The following PAQR3 variants were observed in gnomAD, a reference collection of about 807,000 sequenced individuals.
PAQR3 encodes progestin and adipoQ receptor family member 3.
PAQR3 carries 39 observed loss-of-function variants against 41.7 expected under a neutral mutation model. That is an observed-to-expected ratio of 0.93 (90% confidence interval 0.72 to 1.22). PAQR3 has a LOEUF of 1.22. Among genes scored for constraint, PAQR3 ranks in the 50% most tolerant of loss-of-function variants. The pLI is 0.00. For missense variants in PAQR3, 366 were observed against 385.6 expected, an observed-to-expected ratio of 0.95 and a Z score of 0.42; for synonymous variants, 140 against 140.6, an observed-to-expected ratio of 1.00 and a Z score of 0.03.
intron 11 of PAQR3, among the ~76,000 whole-genome samples, chr4:78,898,035 C>A (rs1262188183): frequency 6.6e-6 from 1 of 152,078 alleles, no homozygotes; most frequent in Non-Finnish European, 1.5e-5. Context: ...AAAGATGTTA[C>A]TTATGGTTAA....
At chr4:78,933,459 T>C (rs1298259310) in intron 2 of PAQR3, among the ~76,000 whole-genome samples, 7 of 152,202 alleles carry the variant, frequency 4.6e-5, no homozygotes, top group Non-Finnish European at 1.0e-4. Flanking sequence ...TTATGTCTTT[T>C]AATATTAAAT....
chr4:78,934,538 G>A (rs2110170562), intron 2 of PAQR3, among the ~76,000 whole-genome samples: 1 of 152,252 alleles, frequency 6.6e-6, no homozygotes, highest in South Asian at 2.1e-4. Flanking sequence ...TCTAATAAAT[G>A]TTAACTTTTA....
chr4:78,894,593 G>T (rs1443487203), intron 11 of PAQR3, among the ~76,000 whole-genome samples: 1 of 152,172 alleles, frequency 6.6e-6, no homozygotes, highest in Non-Finnish European at 1.5e-5. Flanking sequence ...CGCAGTGGTT[G>T]GTTTGATCTT....
In PAQR3 at chr4:78,919,011, C is replaced by G. The variant is rs1735383625; in HGVS notation, c.*1528G>C. 1.0e-6 allele frequency: 1 copy of G among 984,924 alleles called. No individual in the cohort carries two copies. Among genetic ancestry groups the G allele is most frequent in the Non-Finnish European group, 1.2e-6 (1 of 829,738 alleles). 61.0% of individuals were successfully genotyped at this position (984,924 alleles called of 1,614,324 possible). On this transcript the variant is annotated 3_prime_UTR_variant, in exon 6 of 6. Coordinates refer to ENST00000512733, the MANE Select transcript of PAQR3 (RefSeq NM_001040202.2). ...ATGGGTAAGACACGGTATTCCTTTA[C>G]TGAGCCTCCTGGGGGGAAATTCTCT...
chr4:78,923,104 C>T, intron 5 of PAQR3: 1 of 387,598 alleles, frequency 2.6e-6, no homozygotes, highest in Non-Finnish European at 5.1e-6. Flanking sequence ...AGCTTTGTCA[C>T]CATTATCTAT....
intron 3 of PAQR3, among the ~76,000 whole-genome samples, chr4:78,929,300 G>A (rs1736573511): frequency 6.6e-6 from 1 of 152,046 alleles, no homozygotes. Flanking sequence ...GTAACTAAAA[G>A]GGCAAAAGAA....
Position 78,916,651 on chromosome 4 carries a change from G to A in PAQR3, c.*3888C>T, listed in dbSNP as rs1190099640. 6.6e-6 allele frequency: 1 copy of A among 151,792 alleles called. No homozygotes were observed. The highest frequency in any genetic ancestry group is 1.5e-5 in the Non-Finnish European group (1 of 67,812). 9.4% of individuals were successfully genotyped at this position (151,792 alleles called of 1,614,324 possible). The stretch of plus-strand genomic sequence containing the variant: ...ACTGATACTCGAGTGATGACAGTAA[G>A]GCAAAAACAATATTGTGTAGTGCCT... On this transcript the variant is annotated 3_prime_UTR_variant, in exon 6 of 6. Transcript: ENST00000512733.
chr4:78,905,142 CAATT>C (rs1216714156), intron 11 of PAQR3, among the ~76,000 whole-genome samples: 12 of 151,680 alleles, frequency 7.9e-5, no homozygotes, highest in Admixed American at 5.9e-4. Flanking sequence ...TAATAGCTCT[CAATT>C]AATTGATTAA....
intron 11 of PAQR3, among the ~76,000 whole-genome samples, chr4:78,888,992 C>G (rs1177909229): frequency 6.6e-6 from 1 of 152,128 alleles, no homozygotes; most frequent in East Asian, 1.9e-4. Context: ...GAGGCCAAGG[C>G]AGGCGGATCA....
At chr4:78,889,175 C>G (rs533067901) in intron 11 of PAQR3, among the ~76,000 whole-genome samples, 4 of 139,164 alleles carry the variant, frequency 2.9e-5, no homozygotes, top group African/African-American at 8.2e-5. Flanking sequence ...GAGCCGAGAT[C>G]GTGCCAGTGC....
chr4:78,893,884 A>G (rs951118643), intron 11 of PAQR3, among the ~76,000 whole-genome samples: 3 of 152,194 alleles, frequency 2.0e-5, no homozygotes, highest in Non-Finnish European at 4.4e-5. Flanking sequence ...GAAAGACACA[A>G]TTACTGCTTG....
chr4:78,911,419 C>G (rs1381227532), downstream of PAQR3: 2 of 1,613,998 alleles, frequency 1.2e-6, no homozygotes, highest in South Asian at 1.1e-5. Flanking sequence ...TGGGCTTGTG[C>G]CCTTTGATGA....
intron 1 of PAQR3, 137 bp downstream of exon 1, chr4:78,938,903 G>T: frequency 1.3e-6 from 1 of 777,540 alleles, no homozygotes; most frequent in Non-Finnish European, 2.0e-6. Context: ...AGGAGAGGCG[G>T]CAAAAAGGGA....
intron 1 of PAQR3, among the ~76,000 whole-genome samples, chr4:78,938,481 T>C (rs557174830): frequency 1.3e-5 from 2 of 152,354 alleles, no homozygotes; most frequent in Admixed American, 6.5e-5. Context: ...ATGGTTATTA[T>C]GTAATTGTGT....
chr4:78,897,737 T>C (rs1340214440), intron 11 of PAQR3, among the ~76,000 whole-genome samples: 2 of 152,222 alleles, frequency 1.3e-5, no homozygotes, highest in Admixed American at 6.5e-5. Flanking sequence ...TTCTTCTACC[T>C]TCTAATTTCC....
intron 4 of PAQR3, 81 bp downstream of exon 4, chr4:78,926,440 C>T: frequency 8.1e-7 from 1 of 1,239,604 alleles, no homozygotes; most frequent in South Asian, 1.4e-5. Flanking sequence ...CCCACTTGGC[C>T]TGATTATACT....
chr4:78,907,335 G>T (rs1412721711), downstream of PAQR3, among the ~76,000 whole-genome samples: 1 of 152,140 alleles, frequency 6.6e-6, no homozygotes, highest in Non-Finnish European at 1.5e-5. Context: ...GAAAAGTAAT[G>T]GTAGCCAGTT....
downstream of PAQR3, chr4:78,911,325 CA>C: frequency 6.2e-7 from 1 of 1,613,872 alleles, no homozygotes; most frequent in Non-Finnish European, 8.5e-7. Context: ...CTGGTTATCC[CA>C]AAAGTGTAGA....
chr4:78,929,356 C>T (rs548966808), intron 3 of PAQR3, among the ~76,000 whole-genome samples: 47 of 152,212 alleles, frequency 3.1e-4, no homozygotes, highest in African/African-American at 6.7e-4. Flanking sequence ...AAAGTAGGGT[C>T]GAAGGGGACT....
Sources: gnomAD v4.1 joint callset for allele counts (sites outside exome capture counted in the v4.1 genomes callset) on GRCh38, gnomAD v4.1.1 for gene constraint, MANE v1.5 for transcripts, NCBI Gene and HGNC (gene_info 2026-07-23, HGNC 2026-07-21) for gene names.